The following COMMD1 variants were observed in gnomAD, a reference collection of about 807,000 sequenced individuals.
COMMD1 encodes the protein COMM domain-containing protein 1.
In COMMD1, 10 loss-of-function variants were observed where a neutral mutation model predicts 17.2. The observed-to-expected ratio is 0.58, with a 90% CI of 0.36 to 0.99. The LOEUF (loss-of-function observed/expected upper bound fraction) is 0.99. Among genes scored for constraint, COMMD1 ranks in the 50% least tolerant of loss-of-function variants. The probability of loss-of-function intolerance (pLI) is 0.01; values close to 1 mark genes in which losing one functional copy is unlikely to be tolerated. For synonymous variants in COMMD1, 97 were observed against 91.6 expected (o/e 1.06, Z -0.34); for missense variants, 270 against 231.8 (o/e 1.17, Z -1.07).
chr2:62,023,731 C>T (rs1669676985), intron 2 of COMMD1, among the ~76,000 whole-genome samples: 1 of 152,084 alleles, frequency 6.6e-6, no homozygotes, highest in Non-Finnish European at 1.5e-5. Flanking sequence ...GTGTTCCGCC[C>T]GCCTTGGCCT....
chr2:61,963,516 G>T (rs921546542), intron 1 of COMMD1, among the ~76,000 whole-genome samples: 1 of 152,064 alleles, frequency 6.6e-6, no homozygotes, highest in Non-Finnish European at 1.5e-5. Flanking sequence ...GCTAATTTTT[G>T]TATTTTTAGT....
chr2:62,065,330 T>C (rs1671001101), intron 2 of COMMD1, among the ~76,000 whole-genome samples: 1 of 145,972 alleles, frequency 6.9e-6, no homozygotes, highest in African/African-American at 2.5e-5. Flanking sequence ...ACATTTTATA[T>C]GTACTTACTT....
At chr2:62,129,792 C>T (rs1039518007) in intron 2 of COMMD1, among the ~76,000 whole-genome samples, 1 of 152,088 alleles carries the variant, frequency 6.6e-6, no homozygotes, top group Non-Finnish European at 1.5e-5. Context: ...AAGACAGTTG[C>T]AGAGTTGTGG....
rs372400983 is a variant in COMMD1 at position 62,017,063 on chromosome 2, A to G, written c.462+16081A>G. ...TAATTAAACAGAGCTCTTATCACCC[A>G]AGACATTAATGAGTGGTAGTCTCTA... On this transcript the variant is annotated intron_variant, in intron 2 of 2. Transcript: ENST00000311832. Among the ~76,000 whole-genome samples the G allele has an allele frequency of 4.6e-5, 7 of 152,368 alleles. No homozygotes were observed. In the East Asian group the frequency reaches 1.2e-3, roughly 25 times the overall value.
At chr2:61,909,615 AT>A (rs930157341) in intron 1 of COMMD1, among the ~76,000 whole-genome samples, 1 of 152,216 alleles carries the variant, frequency 6.6e-6, no homozygotes, top group East Asian at 1.9e-4. Flanking sequence ...ACAACCTTTT[AT>A]TCTTATAATC....
At chr2:61,938,920 A>G (rs1027593856) in intron 1 of COMMD1, among the ~76,000 whole-genome samples, 3 of 152,230 alleles carry the variant, frequency 2.0e-5, no homozygotes, top group African/African-American at 7.2e-5. Context: ...AAAGATATGA[A>G]GAAAAATTAT....
chr2:62,101,506 A>T (rs1672176791), intron 2 of COMMD1, among the ~76,000 whole-genome samples: 1 of 152,144 alleles, frequency 6.6e-6, no homozygotes, highest in Non-Finnish European at 1.5e-5. Flanking sequence ...GCTATTCAGG[A>T]GGCTGAGACA....
At chr2:61,922,376 G>A (rs939829267) in intron 1 of COMMD1, among the ~76,000 whole-genome samples, 2 of 152,164 alleles carry the variant, frequency 1.3e-5, no homozygotes, top group Non-Finnish European at 2.9e-5. Flanking sequence ...GGAATGCAAT[G>A]GCACGATATT....
At position 61,977,410 on chromosome 2, in the gene COMMD1, A is replaced by G. The variant is rs1275429928; in HGVS notation, c.181-23291A>G. 2.0e-5 allele frequency among the ~76,000 whole-genome samples: 3 copies of G among 150,938 alleles called. No individual in the cohort carries two copies. In the South Asian group the frequency reaches 6.3e-4, roughly 32 times the overall value. On this transcript the variant is annotated intron_variant, in intron 1 of 2. Transcript: ENST00000311832. ...CAGGCATGTGCCACAGCACCTGGCT[A>G]ATTTTGTATTTTTAGCATAGATGGG...
chr2:61,890,553 A>G (rs1329876100), intron 1 of COMMD1, among the ~76,000 whole-genome samples: 1 of 152,078 alleles, frequency 6.6e-6, no homozygotes, highest in Non-Finnish European at 1.5e-5. Flanking sequence ...GCATATTAGC[A>G]CTAGGGGCCT....
chr2:61,925,523 C>T (rs948399963), intron 1 of COMMD1, among the ~76,000 whole-genome samples: 1 of 152,140 alleles, frequency 6.6e-6, no homozygotes, highest in African/African-American at 2.4e-5. Flanking sequence ...CTTCCTACGA[C>T]CTCCCCCTGT....
intron 2 of COMMD1, among the ~76,000 whole-genome samples, chr2:62,128,161 C>G (rs550891829): frequency 1.3e-5 from 2 of 151,614 alleles, no homozygotes; most frequent in African/African-American, 4.8e-5. Flanking sequence ...AACCCTATCT[C>G]TACTAGAAAT....
intron 2 of COMMD1, 120 bp from the exon 3 acceptor site, chr2:62,135,711 G>T (rs1018666168): frequency 1.4e-6 from 1 of 704,768 alleles, no homozygotes; most frequent in South Asian, 1.4e-5. Context: ...ATATCACTTC[G>T]ATATTAAGGT....
upstream of COMMD1, among the ~76,000 whole-genome samples, chr2:61,902,521 A>G (rs1254282461): frequency 1.3e-5 from 2 of 151,762 alleles, no homozygotes; most frequent in African/African-American, 4.8e-5. Context: ...AAAAAAAAAG[A>G]AAAGAAATCA....
At chr2:62,048,338 A>G (rs1389918584) in intron 2 of COMMD1, among the ~76,000 whole-genome samples, 1 of 151,710 alleles carries the variant, frequency 6.6e-6, no homozygotes, top group Non-Finnish European at 1.5e-5. Context: ...GCCCGCCACC[A>G]CACCCGGCTA....
intron 1 of COMMD1, among the ~76,000 whole-genome samples, chr2:61,910,711 A>G (rs1558518413): frequency 6.6e-6 from 1 of 152,322 alleles, no homozygotes; most frequent in Admixed American, 6.5e-5. Flanking sequence ...ATGAAGATCA[A>G]TCACCTTTTG....
intron 2 of COMMD1, among the ~76,000 whole-genome samples, chr2:62,021,071 A>T (rs1281870961): frequency 2.0e-5 from 3 of 152,028 alleles, no homozygotes; most frequent in African/African-American, 7.2e-5. Flanking sequence ...AATCTTTAGG[A>T]GGCCTTTTGT....
intron 2 of COMMD1, among the ~76,000 whole-genome samples, chr2:62,012,270 TAC>T (rs57739132): frequency 0.25 from 31,918 of 129,694 alleles, 3,707 homozygotes; most frequent in Admixed American, 0.28. Flanking sequence ...CACACACACA[TAC>T]ACACACACAC....
intron 2 of COMMD1, among the ~76,000 whole-genome samples, chr2:62,012,643 C>A (rs962101777): frequency 6.6e-6 from 1 of 152,008 alleles, no homozygotes; most frequent in Non-Finnish European, 1.5e-5. Context: ...TAGTACAAGT[C>A]CCTAGTGATT....
Sources: gnomAD v4.1 joint callset for allele counts (sites outside exome capture counted in the v4.1 genomes callset) on GRCh38, gnomAD v4.1.1 for gene constraint, MANE v1.5 for transcripts, NCBI Gene and HGNC (gene_info 2026-07-23, HGNC 2026-07-21) for gene names.